Variants in ZNF44 observed in about 807,000 individuals in gnomAD.
ZNF44 encodes the protein gonadotropin inducible transcription repressor-2.
Under a neutral mutation model 11.7 loss-of-function variants are expected in ZNF44, and 9 were observed. The observed-to-expected ratio is 0.77, with a 90% confidence interval of 0.46 to 1.35. The LOEUF (loss-of-function observed/expected upper bound fraction) is 1.35. Ranked by LOEUF, ZNF44 falls within the 40% of genes most tolerant of loss-of-function variation. The pLI is 0.00. For synonymous variants in ZNF44, 224 were observed against 242.7 expected (o/e 0.92, Z 0.72); for missense variants, 696 against 743.1 (o/e 0.94, Z 0.74).
In ZNF44 at chr19:12,272,225, G is replaced by A. The variant is rs1032022062; in HGVS notation, c.*182C>T. On this transcript the variant is annotated 3_prime_UTR_variant, in exon 4 of 4. Transcript: ENST00000355684. ...TTCCCATGTTAGCCAGGCTGGTCTCGATCTCCTGGCCTCGTGATCTGCCCT... is the reference window on the plus strand; with the variant it reads ...TTCCCATGTTAGCCAGGCTGGTCTCAATCTCCTGGCCTCGTGATCTGCCCT... The A allele has an allele frequency of 9.2e-5, 94 of 1,023,702 alleles. No homozygotes were observed. Among genetic ancestry groups the A allele is most frequent in the East Asian group, 1.3e-4 (4 of 31,290 alleles). 63.4% of individuals were successfully genotyped at this position (1,023,702 alleles called of 1,614,324 possible).
At chr19:12,269,728 TA>T (rs1261737568), downstream of ZNF44, among the ~76,000 whole-genome samples, 1 of 152,190 alleles carries the variant, frequency 6.6e-6, no homozygotes, top group Non-Finnish European at 1.5e-5. Flanking sequence ...ATACATGAGT[TA>T]ATTTGGATTG....
At chr19:12,277,243 T>C (rs1967266920) in intron 1 of ZNF44, among the ~76,000 whole-genome samples, 1 of 152,188 alleles carries the variant, frequency 6.6e-6, no homozygotes, top group Non-Finnish European at 1.5e-5. Flanking sequence ...TGGAAGCTGG[T>C]GACTGGTTCC....
intron 5 of ZNF44, among the ~76,000 whole-genome samples, chr19:12,265,740 T>C (rs1181415682): frequency 6.6e-6 from 1 of 152,194 alleles, no homozygotes; most frequent in Non-Finnish European, 1.5e-5. Flanking sequence ...TCTCGTAAAA[T>C]ATCCACGAAC....
intron 5 of ZNF44, among the ~76,000 whole-genome samples, chr19:12,254,316 A>C (rs993549813): frequency 3.9e-5 from 6 of 152,242 alleles, no homozygotes; most frequent in Admixed American, 1.3e-4. Flanking sequence ...ACACACCTCT[A>C]AACGACCCAC....
intron 7 of ZNF44, chr19:12,248,790 G>T: frequency 1.5e-6 from 1 of 647,416 alleles, no homozygotes; most frequent in Non-Finnish European, 2.2e-6. Flanking sequence ...AGATTTTTTT[G>T]TCCTGTCTAA....
At chr19:12,240,251 A>C (rs962654975), upstream of ZNF44, among the ~76,000 whole-genome samples, 3 of 151,748 alleles carry the variant, frequency 2.0e-5, no homozygotes, top group Non-Finnish European at 4.4e-5. Context: ...CAAGACCAGC[A>C]TGGCCAACAC....
chr19:12,290,261 T>TAG (rs1261320481), intron 1 of ZNF44, among the ~76,000 whole-genome samples: 1 of 151,448 alleles, frequency 6.6e-6, no homozygotes, highest in Admixed American at 6.6e-5. Context: ...GGCACATGCC[T>TAG]ATAATCCCAG....
intron 5 of ZNF44, among the ~76,000 whole-genome samples, chr19:12,252,443 A>G (rs2438565): frequency 0.4 from 60,764 of 152,114 alleles, 15,737 homozygotes; most frequent in African/African-American, 0.75. Flanking sequence ...GAAAGTAAAT[A>G]ACAAAGAAAG....
chr19:12,264,113 T>A (rs1008564351), intron 5 of ZNF44, among the ~76,000 whole-genome samples: 1 of 150,872 alleles, frequency 6.6e-6, no homozygotes, highest in Non-Finnish European at 1.5e-5. Flanking sequence ...ACCCCTCAAA[T>A]CCACTGTCTA....
chr19:12,228,673 A>G (rs1192964090), intron 3 of ZNF44, among the ~76,000 whole-genome samples: 1 of 152,170 alleles, frequency 6.6e-6, no homozygotes, highest in Non-Finnish European at 1.5e-5. Flanking sequence ...AAAATTTACC[A>G]TATAAAATTT....
intron 3 of ZNF44, among the ~76,000 whole-genome samples, chr19:12,274,266 C>CTTTTTTTTTTTTTTTTTTTTTTTTT (rs869093549): frequency 3.3e-5 from 3 of 90,208 alleles, no homozygotes; most frequent in Non-Finnish European, 6.3e-5. Context: ...ATTCTTAATT[C>CTTTTTTTTTTTTTTTTTTTTTTTTT]TTTTTTTTTT....
chr19:12,260,203 A>G, intron 5 of ZNF44: 2 of 775,496 alleles, frequency 2.6e-6, no homozygotes, highest in East Asian at 4.9e-5. Flanking sequence ...GACCTACAGC[A>G]CCAAGCCCAG....
At chr19:12,228,385 C>A (rs146533066) in intron 3 of ZNF44, among the ~76,000 whole-genome samples, 18 of 152,112 alleles carry the variant, frequency 1.2e-4, no homozygotes, top group African/African-American at 4.3e-4. Flanking sequence ...GAGCCTAGGA[C>A]CTAGACTTCT....
chr19:12,259,714 C>T (rs1296328205), intron 5 of ZNF44, among the ~76,000 whole-genome samples: 2 of 152,152 alleles, frequency 1.3e-5, no homozygotes, highest in Non-Finnish European at 2.9e-5. Flanking sequence ...GCAATGGTTG[C>T]TCTAGAAGGT....
intron 5 of ZNF44, among the ~76,000 whole-genome samples, chr19:12,262,817 T>C (rs892889659): frequency 3.9e-5 from 6 of 152,140 alleles, no homozygotes; most frequent in African/African-American, 1.4e-4. Flanking sequence ...CACTCACATG[T>C]ATAAATTACA....
chr19:12,247,172 T>C, downstream of ZNF44: 1 of 494,894 alleles, frequency 2.0e-6, no homozygotes, highest in South Asian at 3.1e-5. Flanking sequence ...TATCAGGCTT[T>C]CCTGTATTAC....
chr19:12,293,215 C>A (rs1379090997), intron 1 of ZNF44: 1 of 1,534,360 alleles, frequency 6.5e-7, no homozygotes, highest in Admixed American at 2.0e-5. Flanking sequence ...AGATTCCTCC[C>A]ACCCCAGTGC....
intron 1 of ZNF44, among the ~76,000 whole-genome samples, chr19:12,236,195 T>G (rs922588626): frequency 6.6e-6 from 1 of 152,182 alleles, no homozygotes; most frequent in Non-Finnish European, 1.5e-5. Flanking sequence ...ATACAAACCC[T>G]AGAAGGGTTA....
At chr19:12,256,516 C>T (rs1318986752) in intron 5 of ZNF44, among the ~76,000 whole-genome samples, 2 of 152,010 alleles carry the variant, frequency 1.3e-5, no homozygotes, top group African/African-American at 4.8e-5. Context: ...TATTTCTTCA[C>T]TATGTCAGAG....
Sources: gnomAD v4.1 joint callset for allele counts (sites outside exome capture counted in the v4.1 genomes callset) on GRCh38, gnomAD v4.1.1 for gene constraint, MANE v1.5 for transcripts, NCBI Gene and HGNC (gene_info 2026-07-23, HGNC 2026-07-21) for gene names.